The following LTN1 variants were observed in gnomAD, a reference collection of about 807,000 sequenced individuals.
LTN1 encodes listerin E3 ubiquitin protein ligase 1.
LTN1 carries 88 observed loss-of-function variants against 201.2 expected under a neutral mutation model. The ratio of observed to expected loss-of-function variants is 0.44; its 90% CI spans 0.37 to 0.52. The LOEUF (loss-of-function observed/expected upper bound fraction) is 0.52. LTN1 is among the 20% of genes least tolerant of loss of function. The probability of loss-of-function intolerance (pLI) is 0.00; values close to 1 mark genes in which losing one functional copy is unlikely to be tolerated. For synonymous variants in LTN1, 645 were observed against 713.5 expected (o/e 0.90, Z 1.53); for missense variants, 1,752 against 2,038.7 (o/e 0.86, Z 2.71).
chr21:28,990,615 A>G (rs781650176), intron 1 of LTN1, among the ~76,000 whole-genome samples: 11 of 152,190 alleles, frequency 7.2e-5, no homozygotes, highest in Non-Finnish European at 1.3e-4. Context: ...CACCTTAACC[A>G]AGTAATTAAA....
At chr21:28,932,737 C>A (rs1326126005) in intron 27 of LTN1, 73 bp from the exon 28 acceptor site, 5 of 969,560 alleles carry the variant, frequency 5.2e-6, no homozygotes, top group Non-Finnish European at 7.9e-6. Context: ...GATAGGTTGA[C>A]TATTAAAAGC....
At chr21:28,984,094 T>C (rs1235651970) in intron 4 of LTN1, among the ~76,000 whole-genome samples, 1 of 152,198 alleles carries the variant, frequency 6.6e-6, no homozygotes, top group East Asian at 1.9e-4. Flanking sequence ...TTTATCATTA[T>C]AAAAAATTTT....
intron 18 of LTN1, among the ~76,000 whole-genome samples, chr21:28,951,018 CTCTG>C (rs745730303): frequency 6.6e-6 from 1 of 151,966 alleles, no homozygotes; most frequent in African/African-American, 2.4e-5. Flanking sequence ...CACACGCACA[CTCTG>C]TCTCTCACAC....
In LTN1 at chr21:28,973,584, T is replaced by C. The variant is rs577798234; in HGVS notation, c.811-2140A>G. On this transcript the variant is annotated intron_variant, in intron 6 of 29. Transcript: ENST00000361371. ...GACATTTATAAAGACAGCAAACTTC[T>C]AGCTATGCCAAGAAACTTTGATCAT... Among the ~76,000 whole-genome samples, 7 of 152,252 alleles carry C rather than the reference T, an allele frequency of 4.6e-5. No homozygotes were observed. The East Asian group carries it at 1.3e-3, about 29-fold the overall frequency.
chr21:28,959,041 G>A (rs992386068), intron 13 of LTN1, among the ~76,000 whole-genome samples: 6 of 152,048 alleles, frequency 3.9e-5, no homozygotes, highest in African/African-American at 1.4e-4. Flanking sequence ...AGCATATAAG[G>A]CAAGAATATA....
At chr21:28,937,792 C>T (rs972936295) in intron 25 of LTN1, among the ~76,000 whole-genome samples, 4 of 152,088 alleles carry the variant, frequency 2.6e-5, no homozygotes, top group Admixed American at 6.5e-5. Context: ...GTAAGTGTAA[C>T]AAAAATATTC....
At chr21:28,982,174 G>A (rs1023924975) in intron 5 of LTN1, 142 bp downstream of exon 5, 33 of 639,498 alleles carry the variant, frequency 5.2e-5, no homozygotes, top group South Asian at 1.7e-4. Context: ...CTGAGACTGC[G>A]CCACTGCAAT....
intron 11 of LTN1, chr21:28,964,566 AC>A: frequency 6.6e-7 from 1 of 1,513,022 alleles, no homozygotes; most frequent in Non-Finnish European, 8.9e-7. Flanking sequence ...GTGGTGTGGA[AC>A]TGAACTTACG....
intron 4 of LTN1, among the ~76,000 whole-genome samples, chr21:28,982,896 T>C (rs2084669883): frequency 6.6e-6 from 1 of 152,344 alleles, no homozygotes; most frequent in Non-Finnish European, 1.5e-5. Context: ...AGGTATTGCT[T>C]TGAGCACATT....
At chr21:28,976,771 T>A (rs1015764883) in intron 6 of LTN1, among the ~76,000 whole-genome samples, 8 of 152,148 alleles carry the variant, frequency 5.3e-5, no homozygotes, top group African/African-American at 1.9e-4. Flanking sequence ...TTTGTTTTGT[T>A]GAGACAGGAT....
chr21:28,981,429 C>T, intron 5 of LTN1, 130 bp from the exon 6 acceptor site: 1 of 473,866 alleles, frequency 2.1e-6, no homozygotes, highest in East Asian at 3.6e-5. Context: ...TTCTATTTCC[C>T]CTGTGCCAAC....
At chr21:28,931,743 T>C (rs1030554706) in intron 28 of LTN1, among the ~76,000 whole-genome samples, 3 of 152,254 alleles carry the variant, frequency 2.0e-5, no homozygotes, top group Non-Finnish European at 4.4e-5. Flanking sequence ...AGCTCAAGCC[T>C]GTAATCCCAG....
In LTN1 at chr21:28,966,957, C is replaced by A. The variant is rs549958480; in HGVS notation, c.1534G>T (p.Val512Phe). The change falls in exon 10 of 30, where the codon GTT (valine) becomes TTT (phenylalanine). Residue 512 changes from valine to phenylalanine, a missense_variant. Coordinates refer to ENST00000361371, the MANE Select transcript of LTN1 (RefSeq NM_015565.3). ...TGTAATAGGTTAGATACACCCAAAA[C>A]GGACTCAACATCAGCTTCTGGCTCA... ...ISEPEADVES[V>F]LGVSNLLQVL... 3 of 1,613,628 alleles carry A rather than the reference C, an allele frequency of 1.9e-6. No homozygotes were observed. Among genetic ancestry groups the A allele is most frequent in the South Asian group, 1.1e-5 (1 of 90,950 alleles).
intron 1 of LTN1, 81 bp from the exon 2 acceptor site, chr21:28,987,015 A>G (rs999018418): frequency 3.6e-6 from 3 of 831,924 alleles, no homozygotes; most frequent in Middle Eastern, 3.3e-4. Context: ...GGCTATTCCC[A>G]TGGTCAGAAT....
At chr21:28,977,487 C>T (rs2084625230) in intron 6 of LTN1, among the ~76,000 whole-genome samples, 1 of 152,052 alleles carries the variant, frequency 6.6e-6, no homozygotes, top group Admixed American at 6.5e-5. Context: ...AAATGGGAGG[C>T]TGAGGCGGGC....
chr21:28,955,523 C>T (rs2084417781), intron 16 of LTN1, among the ~76,000 whole-genome samples: 1 of 152,052 alleles, frequency 6.6e-6, no homozygotes, highest in Non-Finnish European at 1.5e-5. Flanking sequence ...TTTGCTGCAG[C>T]ACTATTCACA....
At chr21:28,932,095 T>C (rs994990078) in intron 28 of LTN1, among the ~76,000 whole-genome samples, 2 of 152,240 alleles carry the variant, frequency 1.3e-5, no homozygotes, top group Admixed American at 1.3e-4. Flanking sequence ...GTCAAAGGTC[T>C]TTGAGGGTCC....
intron 1 of LTN1, among the ~76,000 whole-genome samples, chr21:28,989,389 T>C (rs11910445): frequency 0.012 from 1,888 of 152,250 alleles, 51 homozygotes; most frequent in African/African-American, 0.043. Context: ...AAAATATAGT[T>C]ACTCTTATGA....
intron 11 of LTN1, chr21:28,961,409 G>A (rs975055818): frequency 1.2e-5 from 2 of 164,140 alleles, no homozygotes; most frequent in Non-Finnish European, 2.9e-5. Context: ...TCATGAGGTG[G>A]GGAAGCAAGA....
Sources: allele counts gnomAD v4.1 joint callset (sites outside exome capture counted in the v4.1 genomes callset), GRCh38; gene constraint gnomAD v4.1.1; transcripts MANE v1.5; gene names NCBI Gene and HGNC (gene_info 2026-07-23, HGNC 2026-07-21).